The following PSAP variants were observed in gnomAD, a reference collection of about 807,000 sequenced individuals.
PSAP encodes prosaposin.
In PSAP, 25 loss-of-function variants were observed where a neutral mutation model predicts 66.0. The ratio of observed to expected loss-of-function variants is 0.38; its 90% CI spans 0.28 to 0.53. The LOEUF (loss-of-function observed/expected upper bound fraction) is 0.53. Ranked by LOEUF, PSAP falls within the 20% of genes least tolerant of loss-of-function variation. The pLI is 0.83. For missense variants in PSAP, 649 were observed against 668.8 expected, an observed-to-expected ratio of 0.97 and a Z score of 0.33; for synonymous variants, 273 against 258.9, an observed-to-expected ratio of 1.05 and a Z score of -0.52.
In PSAP at chr10:71,829,056, A is replaced by G. The variant is rs2133045059; in HGVS notation, c.397T>C (p.Ser133Pro). The stretch of plus-strand genomic sequence containing the variant: ...AGAGACTCGCAGAGGTTGAGAGCAG[A>G]GCACACCTCCCCAGGACGGCTCTGG... ...GEMSRPGEVC[S>P]ALNLCESLQK... The change falls in exon 5 of 14, where the codon TCT becomes CCT. Residue 133 changes from serine (S) to proline (P), a missense_variant. Transcript: ENST00000394936. 2.5e-6 allele frequency: 4 copies of G among 1,614,094 alleles called. No individual in the cohort carries two copies. Among genetic ancestry groups the G allele is most frequent in the East Asian group, 4.5e-5 (2 of 44,886 alleles).
At position 71,823,879 on chromosome 10, in the gene PSAP, G is replaced by A. The variant is rs763196210; in HGVS notation, c.778-1872C>T. The A allele has an allele frequency of 1.2e-5, 16 of 1,295,506 alleles. No individual in the cohort carries two copies. In the East Asian group the frequency reaches 2.2e-4, roughly 17 times the overall value. The allele number at this position is 1,295,506 out of a possible 1,614,324, so 80.3% of individuals were successfully genotyped here. A position where few individuals can be genotyped will look rare whatever the true frequency, so the allele number is the denominator to read the frequency against. ...GACCACTACTGCAAGCAGATTCCCCGACACATACCTGATCCTGCTGTTGAA... is the reference window on the plus strand; with the variant it reads ...GACCACTACTGCAAGCAGATTCCCCAACACATACCTGATCCTGCTGTTGAA... On this transcript the variant is annotated intron_variant, in intron 7 of 13. Transcript: ENST00000394936.
At position 71,828,974 on chromosome 10, in the gene PSAP, G is replaced by C; in HGVS notation, c.479C>G (p.Pro160Arg). 1 of 1,614,124 alleles carries C rather than the reference G, an allele frequency of 6.2e-7. No homozygotes were observed. The highest frequency in any genetic ancestry group is 1.1e-5 in the South Asian group (1 of 91,082). The change falls in exon 5 of 14, where the codon CCA becomes CGA. Residue 160 changes from proline (P) to arginine (R), a missense_variant. By Grantham distance (103) the Pro-to-Arg change is moderately radical. Transcript: ENST00000394936. ...HQKQLESNKI[P>R]ELDMTEVVAP... ...CACCACCTCAGTCATGTCCAGCTCT[G>C]GGATCTTATTGGACTCCAGCTGCTT... is the stretch of plus-strand genomic sequence containing the variant.
chr10:71,838,758 A>G (rs1286529789), intron 1 of PSAP, among the ~76,000 whole-genome samples: 1 of 151,948 alleles, frequency 6.6e-6, no homozygotes, highest in Non-Finnish European at 1.5e-5. Context: ...CCTGTCTCAG[A>G]AAAAAAAGAG....
intron 2 of PSAP, among the ~76,000 whole-genome samples, chr10:71,832,142 C>G (rs975568466): frequency 1.3e-5 from 2 of 152,174 alleles, no homozygotes; most frequent in African/African-American, 2.4e-5. Context: ...TTACAGGACA[C>G]AGAACCTTTG....
intron 7 of PSAP, chr10:71,823,937 AGAAAG>A (rs1357331385): frequency 9.3e-6 from 12 of 1,283,798 alleles, no homozygotes; most frequent in Non-Finnish European, 1.2e-5. Flanking sequence ...TGAAAATAAG[AGAAAG>A]GAAAGGACAC....
intron 7 of PSAP, among the ~76,000 whole-genome samples, chr10:71,823,630 G>A (rs1419065490): frequency 6.6e-6 from 1 of 152,158 alleles, no homozygotes; most frequent in Non-Finnish European, 1.5e-5. Context: ...TATGTGGACT[G>A]TGACCAGAGC....
In PSAP at chr10:71,822,011, A is replaced by G; in HGVS notation, c.778-4T>C. 1 of 1,614,136 alleles carries G rather than the reference A, an allele frequency of 6.2e-7. No individual in the cohort carries two copies. The highest frequency in any genetic ancestry group is 8.5e-7 in the Non-Finnish European group (1 of 1,179,996). ...GCGCACAGATCTCCTTGGGTTGCTG[A>G]AGAGAGCACAGAACAACCAGTCAGC... On this transcript the variant is annotated splice_region_variant and splice_polypyrimidine_tract_variant and intron_variant, in intron 7 of 13. Coordinates refer to ENST00000394936, the MANE Select transcript of PSAP (RefSeq NM_002778.4).
intron 1 of PSAP, chr10:71,844,748 T>G (rs1411830394): frequency 1.3e-5 from 2 of 152,206 alleles, no homozygotes; most frequent in Non-Finnish European, 2.9e-5. Flanking sequence ...GGCTTTCCAG[T>G]AAAAACCAGA....
intron 13 of PSAP, among the ~76,000 whole-genome samples, chr10:71,818,070 C>G (rs1454371194): frequency 6.6e-6 from 1 of 152,240 alleles, no homozygotes; most frequent in East Asian, 1.9e-4. Context: ...CACAAAGCAA[C>G]ATTAAGTAAC....
intron 6 of PSAP, among the ~76,000 whole-genome samples, chr10:71,827,705 C>T (rs867837444): frequency 1.5e-5 from 2 of 134,180 alleles, no homozygotes; most frequent in African/African-American, 2.8e-5. Flanking sequence ...CCAGCCTGGG[C>T]AACAGAGCAA....
chr10:71,821,646 C>A (rs191034869), intron 8 of PSAP, among the ~76,000 whole-genome samples: 1 of 152,116 alleles, frequency 6.6e-6, no homozygotes, highest in Non-Finnish European at 1.5e-5. Flanking sequence ...AATGATCCCA[C>A]GAACATTAGG....
intron 8 of PSAP, 83 bp downstream of exon 8, chr10:71,821,793 G>C: frequency 6.3e-7 from 1 of 1,582,856 alleles, no homozygotes; most frequent in Non-Finnish European, 8.7e-7. Context: ...AGAAACAAGT[G>C]ACTCGTAAGA....
chr10:71,820,161 T>C lies in PSAP; in HGVS notation c.1005+79A>G, dbSNP rs1167353288. ...TGTCAAGGCTGGGCCAAGCCCTCTC[T>C]CCTGTGGGACTTTCCCACTGGGACA... is the stretch of plus-strand genomic sequence containing the variant. On this transcript the variant is annotated intron_variant, in intron 9 of 13. Transcript: ENST00000394936. 4.6e-6 allele frequency: 6 copies of C among 1,295,114 alleles called. No individual in the cohort carries two copies. In the East Asian group the frequency reaches 1.4e-4, roughly 30 times the overall value. 80.2% of individuals were successfully genotyped at this position (1,295,114 alleles called of 1,614,324 possible).
Position 71,825,571 on chromosome 10 carries a change from TGGCCTGAACGG to T in PSAP, c.777+255_777+265del. The T allele has an allele frequency of 1.5e-5, 8 of 536,706 alleles. 1 individual carries two copies. The highest frequency in any genetic ancestry group is 2.8e-5 in the Non-Finnish European group (8 of 282,126). The allele number at this position is 536,706 out of a possible 1,614,324, so 33.2% of individuals were successfully genotyped here. A position where few individuals can be genotyped will look rare whatever the true frequency, so the allele number is the denominator to read the frequency against. On this transcript the variant is annotated intron_variant, in intron 7 of 13. Coordinates refer to ENST00000394936, the MANE Select transcript of PSAP (RefSeq NM_002778.4). Reference sequence around the variant, plus strand: ...AAGCCAGACCTAGAAACCTGATGGCTGGCCTGAACGGGCAGAGGCAAACAAATTGCCAGGAA... The same window carrying T: ...AAGCCAGACCTAGAAACCTGATGGCTGCAGAGGCAAACAAATTGCCAGGAA...
At chr10:71,843,464 G>C (rs188571701) in intron 1 of PSAP, among the ~76,000 whole-genome samples, 21 of 152,328 alleles carry the variant, frequency 1.4e-4, no homozygotes, top group African/African-American at 4.1e-4. Flanking sequence ...CAGCTACTGA[G>C]AGAGTCATAA....
intron 1 of PSAP, among the ~76,000 whole-genome samples, chr10:71,846,003 A>C (rs898844569): frequency 6.6e-6 from 1 of 152,246 alleles, no homozygotes; most frequent in African/African-American, 2.4e-5. Context: ...CGCCAAAGGA[A>C]ATCACAAAAT....
Position 71,834,516 on chromosome 10 carries a change from A to G in PSAP, c.41-11T>C. 6.2e-7 allele frequency: 1 copy of G among 1,613,496 alleles called. No individual in the cohort carries two copies. The highest frequency in any genetic ancestry group is 8.5e-7 in the Non-Finnish European group (1 of 1,179,810). ...CCGGGCCGGCTAGAGCTAAAATGAAAACCAACGTGAGGAGGTGGCCCATTT... is the reference window on the plus strand; with the variant it reads ...CCGGGCCGGCTAGAGCTAAAATGAAGACCAACGTGAGGAGGTGGCCCATTT... On this transcript the variant is annotated splice_polypyrimidine_tract_variant and intron_variant, in intron 1 of 13. Transcript: ENST00000394936.
At chr10:71,832,820 A>T (rs1842545513) in intron 2 of PSAP, among the ~76,000 whole-genome samples, 1 of 151,978 alleles carries the variant, frequency 6.6e-6, no homozygotes, top group African/African-American at 2.4e-5. Context: ...GTTCGAGACC[A>T]GCCTGACCAG....
chr10:71,819,443 C>T (rs757394867), intron 11 of PSAP, 22 bp downstream of exon 11: 68 of 1,613,444 alleles, frequency 4.2e-5, no homozygotes, highest in Middle Eastern at 3.4e-4. Context: ...GCTGGCCTAC[C>T]GCAGCCCAGC....
Sources: allele counts gnomAD v4.1 joint callset (sites outside exome capture counted in the v4.1 genomes callset), GRCh38; gene constraint gnomAD v4.1.1; transcripts MANE v1.5; gene names NCBI Gene and HGNC (gene_info 2026-07-23, HGNC 2026-07-21).